The following CDH20 variants were observed in gnomAD, a reference collection of about 807,000 sequenced individuals.
The protein encoded by CDH20 is cadherin 20, also known as cadherin-20.
In CDH20, 29 loss-of-function variants were observed where a neutral mutation model predicts 74.2. That is an observed-to-expected ratio of 0.39 (90% CI 0.29 to 0.53). The LOEUF is 0.53. CDH20 is among the 20% of genes least tolerant of loss of function. The pLI, the probability that CDH20 is intolerant of heterozygous loss-of-function variation, is 0.69. For synonymous variants in CDH20, 469 were observed against 405.4 expected (o/e 1.16, Z -1.88); for missense variants, 988 against 1,048.3 (o/e 0.94, Z 0.79).
At chr18:61,550,538 AG>A (rs1418984472) in intron 11 of CDH20, among the ~76,000 whole-genome samples, 4 of 152,232 alleles carry the variant, frequency 2.6e-5, no homozygotes, top group African/African-American at 9.6e-5. Flanking sequence ...AGAACAAAGC[AG>A]GTTCATTTTG....
chr18:61,473,790 TG>T (rs2144387501), intron 1 of CDH20, among the ~76,000 whole-genome samples: 1 of 152,306 alleles, frequency 6.6e-6, no homozygotes, highest in African/African-American at 2.4e-5. Flanking sequence ...AATTTTGCCT[TG>T]CTCCAAGTGC....
At chr18:61,429,252 T>G (rs1913174188) in intron 1 of CDH20, among the ~76,000 whole-genome samples, 1 of 152,200 alleles carries the variant, frequency 6.6e-6, no homozygotes, top group African/African-American at 2.4e-5. Context: ...GTCTTTAGAC[T>G]TTTGTTTCTT....
chr18:61,348,157 C>T (rs1910193951), intron 1 of CDH20, among the ~76,000 whole-genome samples: 1 of 152,078 alleles, frequency 6.6e-6, no homozygotes, highest in Non-Finnish European at 1.5e-5. Flanking sequence ...GTTTTTAAGT[C>T]AAAGTGTGTT....
At chr18:61,481,345 T>C (rs984239007) in intron 1 of CDH20, among the ~76,000 whole-genome samples, 2 of 152,214 alleles carry the variant, frequency 1.3e-5, no homozygotes, top group African/African-American at 4.8e-5. Context: ...TAATCTGTAA[T>C]ACTCCTTTAA....
At chr18:61,477,151 G>T (rs1910417026) in intron 1 of CDH20, among the ~76,000 whole-genome samples, 1 of 152,312 alleles carries the variant, frequency 6.6e-6, no homozygotes, top group Non-Finnish European at 1.5e-5. Context: ...ATTAGAGGCA[G>T]GTTGCTGCTG....
chr18:61,352,741 G>T (rs1448197401), intron 1 of CDH20, among the ~76,000 whole-genome samples: 1 of 152,168 alleles, frequency 6.6e-6, no homozygotes, highest in Non-Finnish European at 1.5e-5. Flanking sequence ...CCCTTTGGCT[G>T]TTTTGACCAA....
chr18:61,501,765 A>G (rs978677186), intron 4 of CDH20, among the ~76,000 whole-genome samples: 11 of 152,194 alleles, frequency 7.2e-5, no homozygotes, highest in African/African-American at 2.4e-4. Context: ...TAACAATTCT[A>G]CTAAGGGCAA....
intron 8 of CDH20, among the ~76,000 whole-genome samples, chr18:61,538,625 GT>G (rs1415668565): frequency 3.7e-5 from 2 of 53,780 alleles, no homozygotes; most frequent in Admixed American, 3.3e-4. Context: ...TTTTTGTTTT[GT>G]TTTTTTTTTT....
chr18:61,467,700 G>A (rs997305292), intron 1 of CDH20, among the ~76,000 whole-genome samples: 17 of 152,104 alleles, frequency 1.1e-4, no homozygotes, highest in African/African-American at 2.2e-4. Flanking sequence ...TTCTACACAC[G>A]GGGCCTTCCT....
intron 1 of CDH20, among the ~76,000 whole-genome samples, chr18:61,457,160 T>C (rs1476273495): frequency 6.6e-6 from 1 of 152,142 alleles, no homozygotes; most frequent in Non-Finnish European, 1.5e-5. Context: ...ATGCATTCCC[T>C]GATTCTGAAA....
chr18:61,468,178 C>T (rs1910033114), intron 1 of CDH20, among the ~76,000 whole-genome samples: 1 of 152,194 alleles, frequency 6.6e-6, no homozygotes, highest in Admixed American at 6.5e-5. Context: ...ACTGTATCTG[C>T]AAGAGCAGCC....
chr18:61,403,374 G>A, intron 1 of CDH20, among the ~76,000 whole-genome samples: 1 of 152,198 alleles, frequency 6.6e-6, no homozygotes, highest in Admixed American at 6.5e-5. Flanking sequence ...TGTAGAAAAT[G>A]AGTGTTTTGC....
intron 1 of CDH20, among the ~76,000 whole-genome samples, chr18:61,480,753 A>G (rs1383908311): frequency 6.6e-6 from 1 of 152,202 alleles, no homozygotes; most frequent in Non-Finnish European, 1.5e-5. Flanking sequence ...CAATTTCCTC[A>G]TAAGATTTCC....
chr18:61,388,023 G>T (rs1028127884), intron 1 of CDH20, among the ~76,000 whole-genome samples: 4 of 152,094 alleles, frequency 2.6e-5, no homozygotes, highest in East Asian at 1.9e-4. Context: ...TTAAAACCTG[G>T]CAAGGAAGAC....
At chr18:61,538,768 G>A (rs892345371) in intron 8 of CDH20, among the ~76,000 whole-genome samples, 5 of 151,290 alleles carry the variant, frequency 3.3e-5, no homozygotes, top group South Asian at 2.1e-4. Context: ...ACAGGCGCCC[G>A]CCACCACGCC....
intron 9 of CDH20, among the ~76,000 whole-genome samples, chr18:61,541,971 G>A (rs1431903699): frequency 1.3e-5 from 2 of 152,130 alleles, no homozygotes; most frequent in Non-Finnish European, 1.5e-5. Context: ...CAGACTTAGC[G>A]ATTTGTATCT....
chr18:61,484,081 CAA>C, intron 1 of CDH20, among the ~76,000 whole-genome samples: 1 of 152,200 alleles, frequency 6.6e-6, no homozygotes. Context: ...TGTACAAAGG[CAA>C]AGTCATAAGA....
chr18:61,370,620 T>A (rs900939725), intron 1 of CDH20, among the ~76,000 whole-genome samples: 1 of 152,082 alleles, frequency 6.6e-6, no homozygotes. Context: ...TATTTTCATG[T>A]TTTTTTCTCT....
Position 61,411,580 on chromosome 18 carries a change from GTATA to G in CDH20, c.-153+77789_-153+77792del, listed in dbSNP as rs145701176. Among the ~76,000 whole-genome samples the G allele has an allele frequency of 1.8e-3, 277 of 149,874 alleles. 1 individual carries two copies. The highest frequency in any genetic ancestry group is 6.7e-3 in the African/African-American group (271 of 40,386). On this transcript the variant is annotated intron_variant, in intron 1 of 11. Coordinates refer to ENST00000262717, the MANE Select transcript of CDH20 (RefSeq NM_031891.4). ...TGTGTATATATGTGTGTGTGTGTGT[GTATA>G]TATATATATATATATATATATATAT...
Sources: allele counts gnomAD v4.1 joint callset (sites outside exome capture counted in the v4.1 genomes callset), GRCh38; gene constraint gnomAD v4.1.1; transcripts MANE v1.5; gene names NCBI Gene and HGNC (gene_info 2026-07-23, HGNC 2026-07-21).